ASAP1: variants seen among roughly 807,000 people sequenced by gnomAD.
ASAP1 encodes ArfGAP with SH3 domain, ankyrin repeat and PH domain 1, also known as arf-GAP with SH3 domain, ANK repeat and PH domain-containing protein 1.
ASAP1 carries 43 observed loss-of-function variants against 145.2 expected under a neutral mutation model. The observed-to-expected ratio is 0.30, with a 90% CI of 0.23 to 0.38. ASAP1 has a LOEUF of 0.38. Ranked by LOEUF, ASAP1 falls within the 10% of genes least tolerant of loss-of-function variation. The pLI is 1.00. For missense variants in ASAP1, 1,018 were observed against 1,355.3 expected (o/e 0.75, Z 3.91); for synonymous variants, 546 against 515.5 (o/e 1.06, Z -0.80).
At chr8:130,239,128 C>T (rs570249703) in intron 3 of ASAP1, among the ~76,000 whole-genome samples, 6 of 152,066 alleles carry the variant, frequency 3.9e-5, no homozygotes, top group East Asian at 1.9e-4. Flanking sequence ...AATGCTCCTC[C>T]GCTTAGGATC....
chr8:130,390,333 A>T (rs771462190), intron 2 of ASAP1, among the ~76,000 whole-genome samples: 4 of 152,258 alleles, frequency 2.6e-5, no homozygotes, highest in Admixed American at 1.3e-4. Flanking sequence ...CATTTCATAG[A>T]AAGTTCTACT....
chr8:130,435,947 G>A (rs1221724729), intron 1 of ASAP1, among the ~76,000 whole-genome samples: 1 of 152,202 alleles, frequency 6.6e-6, no homozygotes, highest in Non-Finnish European at 1.5e-5. Context: ...CTTTGCTGAA[G>A]CATAATACTG....
chr8:130,114,476 G>C (rs2097551571), intron 23 of ASAP1, among the ~76,000 whole-genome samples: 1 of 152,234 alleles, frequency 6.6e-6, no homozygotes, highest in African/African-American at 2.4e-5. Flanking sequence ...ACTGGAAGCT[G>C]CTCTGGGTGT....
chr8:130,184,341 G>C, intron 7 of ASAP1, among the ~76,000 whole-genome samples: 1 of 152,196 alleles, frequency 6.6e-6, no homozygotes, highest in Non-Finnish European at 1.5e-5. Flanking sequence ...GCTAGAAAGA[G>C]CAAGAAAATA....
intron 2 of ASAP1, among the ~76,000 whole-genome samples, chr8:130,379,642 G>C (rs1200550437): frequency 6.6e-6 from 1 of 152,182 alleles, no homozygotes; most frequent in Non-Finnish European, 1.5e-5. Context: ...TTGGTATAGA[G>C]AAAACCCCAA....
At chr8:130,170,193 T>C (rs908503994) in intron 9 of ASAP1, among the ~76,000 whole-genome samples, 6 of 13,612 alleles carry the variant, frequency 4.4e-4, no homozygotes, top group Non-Finnish European at 7.7e-4. Flanking sequence ...AAGGAATATC[T>C]TTTTTTTTTT....
chr8:130,408,510 A>T (rs1829130946), intron 1 of ASAP1, among the ~76,000 whole-genome samples: 1 of 152,168 alleles, frequency 6.6e-6, no homozygotes, highest in Admixed American at 6.5e-5. Flanking sequence ...CCTGGTTTTT[A>T]GACCTTCGGG....
intron 3 of ASAP1, among the ~76,000 whole-genome samples, chr8:130,293,476 A>G (rs1027597399): frequency 5.9e-5 from 9 of 152,214 alleles, no homozygotes; most frequent in African/African-American, 2.2e-4. Context: ...ATGACATATT[A>G]AATCAGCCTT....
At chr8:130,432,397 G>T (rs551813190) in intron 1 of ASAP1, among the ~76,000 whole-genome samples, 1 of 152,124 alleles carries the variant, frequency 6.6e-6, no homozygotes, top group South Asian at 2.1e-4. Flanking sequence ...AAAGTATAAA[G>T]GTTCTTCATT....
chr8:130,331,941 G>A (rs79759689), intron 3 of ASAP1, among the ~76,000 whole-genome samples: 3,933 of 152,070 alleles, frequency 0.026, 242 homozygotes, highest in East Asian at 0.24. Context: ...GTGAAGTCTC[G>A]GCCCAAGGTC....
chr8:130,081,582 C>A (rs1171494430), intron 25 of ASAP1, among the ~76,000 whole-genome samples: 3 of 64,394 alleles, frequency 4.7e-5, no homozygotes, highest in Non-Finnish European at 9.0e-5. Flanking sequence ...ATGAAGAGGG[C>A]AGGGCTGAAA....
At chr8:130,101,719 C>A (rs1243454669) in intron 24 of ASAP1, among the ~76,000 whole-genome samples, 1 of 116,016 alleles carries the variant, frequency 8.6e-6, no homozygotes, top group East Asian at 2.4e-4. Context: ...GCATGTGCTA[C>A]CACACCTGGT....
At chr8:130,112,067 G>C (rs1190967042) in intron 24 of ASAP1, 27 bp downstream of exon 24, 2 of 1,592,762 alleles carry the variant, frequency 1.3e-6, no homozygotes, top group Non-Finnish European at 1.7e-6. Flanking sequence ...CGAGGATGGA[G>C]TCACAAGCCC....
rs779041365 is a variant in ASAP1, at chr8:130,126,095, GA to G, written c.1382-7del. 1.2e-6 allele frequency: 2 copies of G among 1,602,590 alleles called. No homozygotes were observed. Among genetic ancestry groups the G allele is most frequent in the Non-Finnish European group, 1.7e-6 (2 of 1,176,612 alleles). ...GGTTGAAAGCCAGGTGGGTTCTGTG[GA>G]AAGAATGTTGAAGACAATGAAACAA... On this transcript the variant is annotated splice_region_variant and splice_polypyrimidine_tract_variant and intron_variant, in intron 16 of 29. Transcript: ENST00000518721.
chr8:130,187,375 T>C, intron 6 of ASAP1, 90 bp from the exon 7 acceptor site: 1 of 1,126,482 alleles, frequency 8.9e-7, no homozygotes, highest in Non-Finnish European at 1.3e-6. Flanking sequence ...CAAGAATTGT[T>C]TCCTTTATAG....
At chr8:130,375,835 C>A (rs1322534184) in intron 2 of ASAP1, among the ~76,000 whole-genome samples, 2 of 152,158 alleles carry the variant, frequency 1.3e-5, no homozygotes, top group Admixed American at 1.3e-4. Flanking sequence ...GATTTCAAAG[C>A]CAGGACTGTT....
chr8:130,123,919 C>A (rs1388883722), intron 18 of ASAP1, 94 bp downstream of exon 18: 333 of 911,796 alleles, frequency 3.7e-4, no homozygotes, highest in Non-Finnish European at 4.1e-4. Flanking sequence ...TGAGCCACTG[C>A]ACCCAGCCAA....
chr8:130,061,229 G>C (rs187787472), intron 27 of ASAP1, among the ~76,000 whole-genome samples, 160 bp from the exon 28 acceptor site: 10 of 152,216 alleles, frequency 6.6e-5, no homozygotes, highest in Admixed American at 6.5e-4. Flanking sequence ...GTTTTACAAA[G>C]ACAAAGTTTG....
intron 1 of ASAP1, among the ~76,000 whole-genome samples, chr8:130,439,197 A>G (rs1830412915): frequency 6.6e-6 from 1 of 152,172 alleles, no homozygotes. Flanking sequence ...GAAGGAAACC[A>G]CAAGCCAAGA....
Sources: gnomAD v4.1 joint callset for allele counts (sites outside exome capture counted in the v4.1 genomes callset) on GRCh38, gnomAD v4.1.1 for gene constraint, MANE v1.5 for transcripts, NCBI Gene and HGNC (gene_info 2026-07-23, HGNC 2026-07-21) for gene names.